Variants in NPTN observed in about 807,000 individuals in gnomAD.
NPTN encodes the protein neuroplastin.
NPTN carries 5 observed loss-of-function variants against 42.7 expected under a neutral mutation model. That is an observed-to-expected ratio of 0.12 (90% CI 0.06 to 0.25). The LOEUF is 0.25. Ranked by LOEUF, NPTN falls within the 10% of genes least tolerant of loss-of-function variation. The pLI is 1.00. For missense variants in NPTN, 307 were observed against 525.4 expected, an observed-to-expected ratio of 0.58 and a Z score of 4.06; for synonymous variants, 180 against 201.9, an observed-to-expected ratio of 0.89 and a Z score of 0.92.
At chr15:73,617,314 T>C (rs962651945) in intron 1 of NPTN, among the ~76,000 whole-genome samples, 1 of 152,250 alleles carries the variant, frequency 6.6e-6, no homozygotes, top group African/African-American at 2.4e-5. Context: ...TTTGAAGTTA[T>C]CATGTAAGCA....
At chr15:73,604,970 C>T (rs913556038) in intron 1 of NPTN, among the ~76,000 whole-genome samples, 1 of 151,958 alleles carries the variant, frequency 6.6e-6, no homozygotes, top group South Asian at 2.1e-4. Flanking sequence ...TGGTGGTATG[C>T]ACCTCTAGTC....
At chr15:73,568,704 T>C (rs976678144) in intron 6 of NPTN, 6 of 985,314 alleles carry the variant, frequency 6.1e-6, no homozygotes, top group Non-Finnish European at 6.0e-6. Flanking sequence ...AACTAGAGAT[T>C]CATTTGCAGA....
intron 1 of NPTN, among the ~76,000 whole-genome samples, chr15:73,615,337 G>C (rs1354811192): frequency 6.6e-6 from 1 of 151,950 alleles, no homozygotes; most frequent in Non-Finnish European, 1.5e-5. Flanking sequence ...AGCCTTTATT[G>C]ATCATTTGTG....
At chr15:73,573,878 T>TG in intron 4 of NPTN, 83 bp from the exon 5 acceptor site, 2 of 1,515,210 alleles carry the variant, frequency 1.3e-6, no homozygotes, top group Non-Finnish European at 1.8e-6. Flanking sequence ...CTCAGAGCCC[T>TG]GCTTGTAATG....
chr15:73,573,825 C>T (rs370469760), intron 4 of NPTN, 30 bp from the exon 5 acceptor site: 38 of 1,604,126 alleles, frequency 2.4e-5, no homozygotes, highest in East Asian at 2.0e-4. Flanking sequence ...GCAGTTACCA[C>T]GGAAGTCTAC....
intron 1 of NPTN, among the ~76,000 whole-genome samples, chr15:73,611,071 G>A (rs931118357): frequency 6.6e-6 from 1 of 152,182 alleles, no homozygotes; most frequent in Non-Finnish European, 1.5e-5. Flanking sequence ...TGTGATAGTA[G>A]CAAAAATTAT....
chr15:73,573,900 T>C lies in NPTN; in HGVS notation c.707-105A>G, dbSNP rs58862099. On this transcript the variant is annotated intron_variant, in intron 4 of 8. Coordinates refer to ENST00000345330, the MANE Select transcript of NPTN (RefSeq NM_012428.4). ...CCCTGCTTGTAATGTAGTCAGTCTT[T>C]ATGCTTACTGTCATACTCAGCTTTG... 2.6e-4 allele frequency: 360 copies of C among 1,392,518 alleles called. 1 individual carries two copies. In the African/African-American group the frequency reaches 4.6e-3, roughly 18 times the overall value. The allele number at this position is 1,392,518 out of a possible 1,614,324, so 86.3% of individuals were successfully genotyped here.
At chr15:73,620,864 T>G (rs541598904) in intron 1 of NPTN, among the ~76,000 whole-genome samples, 1 of 152,244 alleles carries the variant, frequency 6.6e-6, no homozygotes, top group East Asian at 1.9e-4. Context: ...GTTTTTCTAA[T>G]ATAAACAATG....
chr15:73,561,735 C>A (rs1894679241), intron 8 of NPTN, among the ~76,000 whole-genome samples, 161 bp downstream of exon 8: 1 of 152,158 alleles, frequency 6.6e-6, no homozygotes, highest in African/African-American at 2.4e-5. Context: ...CCTTTCCAGT[C>A]CCTAAACTGG....
At chr15:73,594,803 C>T (rs1347800949) in intron 2 of NPTN, among the ~76,000 whole-genome samples, 2 of 152,194 alleles carry the variant, frequency 1.3e-5, no homozygotes, top group Non-Finnish European at 2.9e-5. Context: ...GCACACTTCT[C>T]TTCTTGCCTT....
chr15:73,567,021 T>G, intron 6 of NPTN: 1 of 949,390 alleles, frequency 1.1e-6, no homozygotes, highest in Non-Finnish European at 1.2e-6. Flanking sequence ...TTTTTTTTTT[T>G]TTAAAGGAAG....
intron 7 of NPTN, among the ~76,000 whole-genome samples, chr15:73,562,774 A>C (rs1894758169): frequency 1.3e-5 from 2 of 152,190 alleles, no homozygotes; most frequent in Non-Finnish European, 2.9e-5. Flanking sequence ...AACACATGGA[A>C]ATACAGGGAC....
At chr15:73,574,812 T>C (rs1895598811) in intron 4 of NPTN, among the ~76,000 whole-genome samples, 1 of 152,182 alleles carries the variant, frequency 6.6e-6, no homozygotes, top group Admixed American at 6.5e-5. Flanking sequence ...CAAGACATGC[T>C]AGAGGCCGTT....
chr15:73,630,228 G>T (rs1447740105), intron 1 of NPTN, among the ~76,000 whole-genome samples: 2 of 152,280 alleles, frequency 1.3e-5, no homozygotes, highest in East Asian at 3.9e-4. Flanking sequence ...TGATGAAACT[G>T]AAGTTTGCAT....
At position 73,592,040 on chromosome 15, in the gene NPTN, A is replaced by T. The variant is rs897660661; in HGVS notation, c.537T>A (p.Leu179=). The change falls in exon 3 of 9, where the codon CTT becomes CTA. Residue 179 remains leucine (L), a synonymous_variant. Transcript: ENST00000345330. ...QCNLTSSSHT[L]TYSYWTKNGV... ...CATTCTTTGTCCAGTAGCTGTATGT[A>T]AGGGTGTGAGAGCTGGAGGTGAGGT... The T allele has an allele frequency of 6.2e-6, 10 of 1,613,902 alleles. No individual in the cohort carries two copies. Among genetic ancestry groups the T allele is most frequent in the Admixed American group, 1.7e-5 (1 of 59,992 alleles).
intron 3 of NPTN, 122 bp downstream of exon 3, chr15:73,591,844 C>G: frequency 2.1e-6 from 2 of 955,812 alleles, no homozygotes; most frequent in South Asian, 3.6e-5. Context: ...GGATTGGACT[C>G]TCAAAGGGAG....
chr15:73,565,175 C>CA (rs1894912650), intron 6 of NPTN, among the ~76,000 whole-genome samples: 1 of 152,156 alleles, frequency 6.6e-6, no homozygotes, highest in Non-Finnish European at 1.5e-5. Context: ...CACAAGGGGG[C>CA]AAAATCCCAG....
chr15:73,629,976 A>C (rs1898647365), intron 1 of NPTN, among the ~76,000 whole-genome samples: 1 of 152,226 alleles, frequency 6.6e-6, no homozygotes, highest in Non-Finnish European at 1.5e-5. Flanking sequence ...GCAAAAGCAC[A>C]AATCTCTATG....
intron 2 of NPTN, 100 bp downstream of exon 2, chr15:73,596,922 G>A: frequency 1.1e-6 from 1 of 951,600 alleles, no homozygotes; most frequent in Non-Finnish European, 1.6e-6. Context: ...GGGGTGGGGT[G>A]AGTGATCATA....
Sources: allele counts gnomAD v4.1 joint callset (sites outside exome capture counted in the v4.1 genomes callset), GRCh38; gene constraint gnomAD v4.1.1; transcripts MANE v1.5; gene names NCBI Gene and HGNC (gene_info 2026-07-23, HGNC 2026-07-21).